PLCE1: variants seen among roughly 807,000 people sequenced by gnomAD.
The protein encoded by PLCE1 is phospholipase C epsilon 1.
PLCE1 carries 119 observed loss-of-function variants against 242.8 expected under a neutral mutation model. The ratio of observed to expected loss-of-function variants is 0.49; its 90% confidence interval spans 0.42 to 0.57. The LOEUF is 0.57. Among genes scored for constraint, PLCE1 ranks in the 20% least tolerant of loss-of-function variants. The pLI is 0.00. For synonymous variants in PLCE1, 945 were observed against 1,017.4 expected (o/e 0.93, Z 1.35); for missense variants, 2,441 against 2,788.8 (o/e 0.88, Z 2.81).
chr10:94,102,760 G>A (rs1407901871), intron 2 of PLCE1, among the ~76,000 whole-genome samples: 3 of 152,126 alleles, frequency 2.0e-5, no homozygotes, highest in Admixed American at 1.3e-4. Flanking sequence ...GTGCCACGAC[G>A]GGTCTTATGA....
intron 3 of PLCE1, among the ~76,000 whole-genome samples, chr10:94,157,584 G>A (rs1339837245): frequency 6.6e-6 from 1 of 152,196 alleles, no homozygotes; most frequent in East Asian, 1.9e-4. Context: ...CAGTGCCCTG[G>A]ACTGGGAGTC....
At position 94,306,704 on chromosome 10, in the gene PLCE1, C is replaced by A. The variant is rs1467510574; in HGVS notation, c.5884+16C>A. 1 of 1,598,366 alleles carries A rather than the reference C, an allele frequency of 6.3e-7. No individual in the cohort carries two copies. Among genetic ancestry groups the A allele is most frequent in the Admixed American group, 1.7e-5 (1 of 59,424 alleles). On this transcript the variant is annotated intron_variant, in intron 26 of 32. Transcript: ENST00000371380. This position sits in a 1 kb window ranked among gnomAD's most constrained non-coding sequence, Gnocchi z 5.7. ...TTAAAACGAGGTAGAATAAAATTGT[C>A]CAAATGTTAATAATTGTTGTAGCTA...
chr10:93,995,441 G>T (rs1012749596), intron 1 of PLCE1, among the ~76,000 whole-genome samples: 5 of 151,930 alleles, frequency 3.3e-5, no homozygotes, highest in Non-Finnish European at 7.4e-5. Context: ...TTTTCTCCAG[G>T]GCCCTTTCTG....
intron 2 of PLCE1, among the ~76,000 whole-genome samples, chr10:94,045,221 G>A (rs1478533522): frequency 2.0e-5 from 3 of 152,048 alleles, no homozygotes; most frequent in Admixed American, 6.5e-5. Context: ...CCAGGTTGGC[G>A]TCAAGTAATC....
chr10:94,321,882 T>C lies in PLCE1; in HGVS notation c.6343-19T>C. ...GCATAAACCTATTATTTACTCACAT[T>C]TTTTCTTTTTAAACATAGAACCTAG... On this transcript the variant is annotated intron_variant, in intron 29 of 32. Transcript: ENST00000371380. 1.3e-6 allele frequency: 2 copies of C among 1,593,692 alleles called. No individual in the cohort carries two copies. Among genetic ancestry groups the C allele is most frequent in the Non-Finnish European group, 1.7e-6 (2 of 1,161,612 alleles).
intron 3 of PLCE1, among the ~76,000 whole-genome samples, chr10:94,160,933 T>G (rs2136212586): frequency 6.6e-6 from 1 of 152,330 alleles, no homozygotes; most frequent in African/African-American, 2.4e-5. Context: ...GCAGCATTAT[T>G]TCTGAGGGCT....
At position 94,330,914 on chromosome 10, in the gene PLCE1, C is replaced by T. The variant is rs967521150; in HGVS notation, c.*2971C>T. 3.9e-5 allele frequency: 6 copies of T among 152,190 alleles called. No homozygotes were observed. Among genetic ancestry groups the T allele is most frequent in the African/African-American group, 1.4e-4 (6 of 41,442 alleles). 9.4% of individuals were successfully genotyped at this position (152,190 alleles called of 1,614,324 possible). On this transcript the variant is annotated 3_prime_UTR_variant, in exon 33 of 33. Transcript: ENST00000371380. ...AGAAATCTGGGTAGCAAACTCTTCTCATTAAAGTTGATGTGGACAAGAATC... is the reference window on the plus strand; with the variant it reads ...AGAAATCTGGGTAGCAAACTCTTCTTATTAAAGTTGATGTGGACAAGAATC...
chr10:94,085,347 G>C (rs1403365165), intron 2 of PLCE1, among the ~76,000 whole-genome samples: 1 of 152,104 alleles, frequency 6.6e-6, no homozygotes, highest in Non-Finnish European at 1.5e-5. Flanking sequence ...AGGAGGAGGA[G>C]GGGAGAATTG....
At chr10:94,241,822 A>G (rs888084811) in intron 7 of PLCE1, among the ~76,000 whole-genome samples, 8 of 151,862 alleles carry the variant, frequency 5.3e-5, no homozygotes, top group Admixed American at 4.6e-4. Context: ...CTCTAGAGGA[A>G]CAGCTGGGCT....
At chr10:94,108,043 C>G (rs1221326410) in intron 2 of PLCE1, among the ~76,000 whole-genome samples, 16 of 152,200 alleles carry the variant, frequency 1.1e-4, no homozygotes, top group Admixed American at 9.8e-4. Flanking sequence ...CATTGCTTCT[C>G]TCAATTCCAT....
intron 2 of PLCE1, among the ~76,000 whole-genome samples, chr10:94,125,003 G>C (rs1032881505): frequency 6.6e-6 from 1 of 152,088 alleles, no homozygotes. Context: ...GTAGAATGTC[G>C]CCTGTGGTTC....
intron 27 of PLCE1, among the ~76,000 whole-genome samples, chr10:94,311,601 T>A (rs998421603): frequency 6.6e-6 from 1 of 152,226 alleles, no homozygotes; most frequent in Admixed American, 6.5e-5. Flanking sequence ...CATTTAAGAC[T>A]TGATCATTCT....
intron 14 of PLCE1, among the ~76,000 whole-genome samples, chr10:94,263,770 T>G (rs1259977003): frequency 6.6e-6 from 1 of 152,098 alleles, no homozygotes; most frequent in African/African-American, 2.4e-5. Flanking sequence ...TAATATGTTT[T>G]TCTTTAACAT....
At chr10:94,136,109 T>C (rs1025780090) in intron 3 of PLCE1, among the ~76,000 whole-genome samples, 1 of 151,904 alleles carries the variant, frequency 6.6e-6, no homozygotes, top group Non-Finnish European at 1.5e-5. Context: ...TTAAACGGAG[T>C]TGGTAAAGGT....
Position 94,031,749 on chromosome 10 carries a change from T to C in PLCE1, c.703T>C (p.Cys235Arg). The change falls in exon 2 of 33, where the codon TGT (cysteine) becomes CGT (arginine). Residue 235 changes from cysteine to arginine, a missense_variant. Around this residue, in one of 5 missense-constraint regions of PLCE1, gnomAD observed 393 missense variants for 378.5 expected, o/e 1.04. Transcript: ENST00000371380. The part of the protein sequence containing the change: ...KQKKNYVAYT[C>R]KLMELAKNCD... Reference sequence around the variant, plus strand: ...AAAGAAAAACTATGTGGCATATACCTGTAAACTGATGGAATTGGCCAAAAA... The same window carrying C: ...AAAGAAAAACTATGTGGCATATACCCGTAAACTGATGGAATTGGCCAAAAA... The C allele has an allele frequency of 1.2e-6, 2 of 1,613,776 alleles. No individual in the cohort carries two copies. The highest frequency in any genetic ancestry group is 1.7e-6 in the Non-Finnish European group (2 of 1,179,870).
At chr10:94,033,402 A>G (rs2061601196) in intron 2 of PLCE1, among the ~76,000 whole-genome samples, 1 of 152,066 alleles carries the variant, frequency 6.6e-6, no homozygotes. Flanking sequence ...CGATCACCCT[A>G]AATATCAATA....
At chr10:94,098,581 G>A (rs1031494241) in intron 2 of PLCE1, among the ~76,000 whole-genome samples, 1 of 152,060 alleles carries the variant, frequency 6.6e-6, no homozygotes, top group Non-Finnish European at 1.5e-5. Context: ...TTTGGTTTTT[G>A]GAACAGGAAT....
At chr10:94,079,367 T>C (rs1167608052) in intron 2 of PLCE1, among the ~76,000 whole-genome samples, 1 of 152,176 alleles carries the variant, frequency 6.6e-6, no homozygotes, top group Non-Finnish European at 1.5e-5. Flanking sequence ...CATTGAGTTA[T>C]ATTTATTTCT....
chr10:94,220,376 T>TTTTATATATATATA (rs1554887054), intron 4 of PLCE1, among the ~76,000 whole-genome samples: 1 of 61,904 alleles, frequency 1.6e-5, no homozygotes, highest in Non-Finnish European at 2.9e-5. Flanking sequence ...ACTAAACATT[T>TTTTATATATATATA]TATATATATA....
Sources: gnomAD v4.1 joint callset for allele counts (sites outside exome capture counted in the v4.1 genomes callset) on GRCh38, gnomAD v4.1.1 for gene constraint, gnomAD v4.1.1 regional missense constraint, Gnocchi (gnomAD v3.1) non-coding constraint, MANE v1.5 for transcripts, NCBI Gene and HGNC (gene_info 2026-07-23, HGNC 2026-07-21) for gene names.